DLG2: variants seen among roughly 807,000 people sequenced by gnomAD.
DLG2 encodes disks large homolog 2.
A neutral mutation model predicts 132.5 loss-of-function variants in DLG2; 45 were observed. That is an observed-to-expected ratio of 0.34 (90% CI 0.27 to 0.44). The LOEUF (loss-of-function observed/expected upper bound fraction) is 0.44. DLG2 is among the 20% of genes least tolerant of loss of function. The probability of loss-of-function intolerance (pLI) is 1.00; values close to 1 mark genes in which losing one functional copy is unlikely to be tolerated. For missense variants in DLG2, 1,045 were observed against 1,196.9 expected, an observed-to-expected ratio of 0.87 and a Z score of 1.87; for synonymous variants, 424 against 419.6, an observed-to-expected ratio of 1.01 and a Z score of -0.13.
intron 8 of DLG2, among the ~76,000 whole-genome samples, chr11:84,198,180 G>A (rs929957155): frequency 6.6e-6 from 1 of 152,048 alleles, no homozygotes; most frequent in African/African-American, 2.4e-5. Context: ...CCATTTTATA[G>A]ATGAGAATAT....
intron 6 of DLG2, among the ~76,000 whole-genome samples, chr11:85,014,992 C>T (rs1592706845): frequency 6.6e-6 from 1 of 152,166 alleles, no homozygotes; most frequent in African/African-American, 2.4e-5. Context: ...AACTTCCATA[C>T]TACCTATAGA....
At chr11:85,503,115 C>A (rs1422991946) in intron 3 of DLG2, among the ~76,000 whole-genome samples, 4 of 152,006 alleles carry the variant, frequency 2.6e-5, no homozygotes, top group Non-Finnish European at 4.4e-5. Flanking sequence ...CATTCATAAA[C>A]AAGCAAACTA....
chr11:83,878,068 A>C (rs576599350), intron 15 of DLG2, among the ~76,000 whole-genome samples: 1 of 152,326 alleles, frequency 6.6e-6, no homozygotes, highest in Non-Finnish European at 1.5e-5. Context: ...CTGTTGTAGA[A>C]AGAACCAAGG....
intron 18 of DLG2, among the ~76,000 whole-genome samples, chr11:83,738,706 T>C (rs2092231804): frequency 1.3e-5 from 2 of 152,262 alleles, no homozygotes; most frequent in Middle Eastern, 3.4e-3. Flanking sequence ...ACCCAAATCC[T>C]AGGCATCATA....
rs149223267 is a variant in DLG2, at chr11:84,751,639, A to G, written c.358-216908T>C. Among the ~76,000 whole-genome samples the G allele has an allele frequency of 2.6e-4, 39 of 152,260 alleles. No homozygotes were observed. In the East Asian group the frequency reaches 4.5e-3, roughly 17 times the overall value. ...GTTAACATGCAATTCTATGAACACT[A>G]CAACTCAAGAAAGCACATAGAGAGG... On this transcript the variant is annotated intron_variant, in intron 6 of 27. Coordinates refer to ENST00000376104, the MANE Select transcript of DLG2 (RefSeq NM_001142699.3).
intron 6 of DLG2, among the ~76,000 whole-genome samples, chr11:84,536,373 G>C (rs2099355625): frequency 6.6e-6 from 1 of 151,824 alleles, no homozygotes. Context: ...CCCATAAAGA[G>C]ATGAAGTCCA....
chr11:84,569,701 G>A (rs1464974639), intron 6 of DLG2, among the ~76,000 whole-genome samples: 1 of 152,126 alleles, frequency 6.6e-6, no homozygotes, highest in Admixed American at 6.6e-5. Context: ...TGCTCAGTTA[G>A]TATTTAAAAC....
intron 6 of DLG2, among the ~76,000 whole-genome samples, chr11:84,718,384 G>C (rs1400899845): frequency 6.6e-6 from 1 of 151,808 alleles, no homozygotes; most frequent in Non-Finnish European, 1.5e-5. Flanking sequence ...AAAAGGAAGA[G>C]AACATAAAGA....
intron 3 of DLG2, among the ~76,000 whole-genome samples, chr11:85,363,696 A>G (rs1463837440): frequency 1.3e-5 from 2 of 152,248 alleles, no homozygotes; most frequent in Non-Finnish European, 2.9e-5. Context: ...AGTACCTACT[A>G]TGTAACAGAC....
At chr11:84,322,047 G>C (rs1366395796) in intron 7 of DLG2, among the ~76,000 whole-genome samples, 1 of 152,090 alleles carries the variant, frequency 6.6e-6, no homozygotes, top group Non-Finnish European at 1.5e-5. Context: ...TTGCTAGTAG[G>C]GCAATGAAAG....
intron 16 of DLG2, among the ~76,000 whole-genome samples, chr11:83,857,400 GT>G (rs924031392): frequency 9.9e-5 from 15 of 152,122 alleles, no homozygotes; most frequent in Non-Finnish European, 1.5e-4. Flanking sequence ...TATAAATTGT[GT>G]TGGGAAGTAT....
chr11:83,578,451 T>C (rs1490741526), intron 19 of DLG2, among the ~76,000 whole-genome samples: 2 of 152,022 alleles, frequency 1.3e-5, no homozygotes, highest in Non-Finnish European at 2.9e-5. Context: ...GCACTTCAAT[T>C]AAAAGGCAGC....
chr11:84,000,939 C>T (rs1586143), intron 11 of DLG2, among the ~76,000 whole-genome samples: 149,646 of 152,210 alleles, frequency 0.98, 73,568 homozygotes, highest in East Asian at 1. Flanking sequence ...GTAAAGCACA[C>T]ATACAAAGGA....
At chr11:84,102,678 A>T (rs914764811) in intron 9 of DLG2, among the ~76,000 whole-genome samples, 1 of 152,138 alleles carries the variant, frequency 6.6e-6, no homozygotes, top group African/African-American at 2.4e-5. Flanking sequence ...GTTAAACTGG[A>T]TGATTTTAAA....
At chr11:84,096,878 G>T (rs943060631) in intron 10 of DLG2, among the ~76,000 whole-genome samples, 3 of 130,546 alleles carry the variant, frequency 2.3e-5, no homozygotes, top group Non-Finnish European at 3.2e-5. Flanking sequence ...CTTTTTTGTT[G>T]AAAAAAGATG....
intron 21 of DLG2, among the ~76,000 whole-genome samples, chr11:83,503,990 C>T (rs552896549): frequency 3.1e-3 from 467 of 152,286 alleles, no homozygotes; most frequent in Non-Finnish European, 5.5e-3. Flanking sequence ...CACCAATCTC[C>T]AACCCAAATA....
chr11:84,399,724 G>A (rs73523717), intron 7 of DLG2, among the ~76,000 whole-genome samples: 198 of 152,256 alleles, frequency 1.3e-3, no homozygotes, highest in African/African-American at 4.6e-3. Flanking sequence ...ACCCATGATA[G>A]CATTTTGACA....
intron 6 of DLG2, among the ~76,000 whole-genome samples, chr11:84,689,408 G>A (rs1322899771): frequency 1.3e-5 from 2 of 151,938 alleles, no homozygotes; most frequent in Non-Finnish European, 1.5e-5. Context: ...CACATAAGAT[G>A]TACTGTACAA....
At chr11:84,959,025 T>A (rs1029546635) in intron 6 of DLG2, among the ~76,000 whole-genome samples, 21 of 152,354 alleles carry the variant, frequency 1.4e-4, no homozygotes, top group Middle Eastern at 3.4e-3. Context: ...GGTAGGCACC[T>A]GCTTATACGT....
Sources: gnomAD v4.1 joint callset for allele counts (sites outside exome capture counted in the v4.1 genomes callset) on GRCh38, gnomAD v4.1.1 for gene constraint, MANE v1.5 for transcripts, NCBI Gene and HGNC (gene_info 2026-07-23, HGNC 2026-07-21) for gene names.